Variants in SDK1 observed in about 807,000 individuals in gnomAD.
The protein encoded by SDK1 is protein sidekick-1.
A neutral mutation model predicts 245.5 loss-of-function variants in SDK1; 157 were observed. The ratio of observed to expected loss-of-function variants is 0.64; its 90% CI spans 0.56 to 0.73. The LOEUF (loss-of-function observed/expected upper bound fraction) is 0.73. Ranked by LOEUF, SDK1 falls within the 30% of genes least tolerant of loss-of-function variation. SDK1 has a pLI of 0.00. For synonymous variants in SDK1, 1,647 were observed against 1,278.5 expected (o/e 1.29, Z -6.15); for missense variants, 3,583 against 3,002.3 (o/e 1.19, Z -4.52).
chr7:4,204,854 A>G (rs1410317214), intron 35 of SDK1, among the ~76,000 whole-genome samples: 1 of 151,064 alleles, frequency 6.6e-6, no homozygotes, highest in Non-Finnish European at 1.5e-5. Context: ...GTCAAGAGAA[A>G]GTGCGCAGCG....
intron 13 of SDK1, among the ~76,000 whole-genome samples, chr7:3,982,683 AC>A (rs1214133628): frequency 2.0e-5 from 3 of 152,130 alleles, no homozygotes; most frequent in African/African-American, 4.8e-5. Context: ...CACTAAAAAT[AC>A]AAAAAATTAG....
intron 28 of SDK1, among the ~76,000 whole-genome samples, chr7:4,135,289 C>A (rs1584251811): frequency 6.6e-6 from 1 of 152,326 alleles, no homozygotes; most frequent in East Asian, 1.9e-4. Flanking sequence ...AACAAGACCC[C>A]TACACCCTTG....
rs1329865134 is a variant in SDK1, at chr7:4,208,148, T to C, written c.5264T>C (p.Val1755Ala). 3 of 1,613,872 alleles carry C rather than the reference T, an allele frequency of 1.9e-6. No homozygotes were observed. The highest frequency in any genetic ancestry group is 2.7e-5 in the African/African-American group (2 of 75,004). The change falls in exon 37 of 45, where the codon GTC (valine) becomes GCC (alanine). Residue 1755 changes from valine (V) to alanine (A), a missense_variant. Coordinates refer to ENST00000404826, the MANE Select transcript of SDK1 (RefSeq NM_152744.4). ...DSQNETEKMK[V>A]LFLPEPVVRL... ...CAGAACGAAACGGAGAAAATGAAGG[T>C]CCTCTTCCTCCCCGAGCCCGTGGTG...
At chr7:3,339,525 G>C (rs565378028) in intron 1 of SDK1, among the ~76,000 whole-genome samples, 1 of 151,990 alleles carries the variant, frequency 6.6e-6, no homozygotes, top group African/African-American at 2.4e-5. Context: ...CATTATTCTG[G>C]GCTATAAAAT....
chr7:3,844,474 A>G (rs1780229060), intron 5 of SDK1, among the ~76,000 whole-genome samples: 1 of 152,154 alleles, frequency 6.6e-6, no homozygotes, highest in Admixed American at 6.5e-5. Context: ...TGGGCCTTGG[A>G]TGTGCTAGCC....
intron 27 of SDK1, among the ~76,000 whole-genome samples, chr7:4,131,273 C>T (rs1562857035): frequency 6.6e-6 from 1 of 152,230 alleles, no homozygotes; most frequent in African/African-American, 2.4e-5. Flanking sequence ...CACAGCGCTC[C>T]TGTAGACATG....
At chr7:3,956,474 G>A (rs1781272115) in intron 7 of SDK1, among the ~76,000 whole-genome samples, 4 of 152,192 alleles carry the variant, frequency 2.6e-5, no homozygotes, top group Admixed American at 2.6e-4. Flanking sequence ...ACTAAGGGAA[G>A]CTCAGAGGCC....
At chr7:4,058,379 A>G (rs1051193367) in intron 19 of SDK1, among the ~76,000 whole-genome samples, 2 of 152,204 alleles carry the variant, frequency 1.3e-5, no homozygotes, top group African/African-American at 4.8e-5. Flanking sequence ...TGAGTATTTG[A>G]ATTTTTGATG....
chr7:3,528,912 G>A (rs1783245636), intron 1 of SDK1, among the ~76,000 whole-genome samples: 1 of 152,090 alleles, frequency 6.6e-6, no homozygotes, highest in African/African-American at 2.4e-5. Flanking sequence ...TTGCTTTTGA[G>A]GTATTACCAG....
chr7:3,908,658 A>C (rs928716388), intron 5 of SDK1, among the ~76,000 whole-genome samples: 2 of 152,058 alleles, frequency 1.3e-5, no homozygotes, highest in African/African-American at 4.8e-5. Context: ...CTATCCTGAT[A>C]ATTGTCTTTT....
At chr7:4,079,389 C>T in intron 21 of SDK1, 74 bp from the exon 22 acceptor site, 1 of 1,543,222 alleles carries the variant, frequency 6.5e-7, no homozygotes. Flanking sequence ...ACTTTTGAAG[C>T]TGACACGTTT....
intron 1 of SDK1, among the ~76,000 whole-genome samples, chr7:3,308,217 G>A (rs1779466513): frequency 6.6e-6 from 1 of 152,106 alleles, no homozygotes; most frequent in Non-Finnish European, 1.5e-5. Context: ...ATACATGGCT[G>A]GAAGAAGGGG....
intron 1 of SDK1, among the ~76,000 whole-genome samples, chr7:3,502,926 C>T (rs1010760869): frequency 6.6e-6 from 1 of 152,090 alleles, no homozygotes; most frequent in African/African-American, 2.4e-5. Context: ...CTGATCTAAC[C>T]AAATGATTTT....
In SDK1 at chr7:3,321,351, CAG is replaced by C. The variant is rs541656852; in HGVS notation, c.298+19470_298+19471del. ...GTTTCTTAAAGTACAGTACTAATGA[CAG>C]AGTCCCAGGTGGCCAGCCTTGTGAG... On this transcript the variant is annotated intron_variant, in intron 1 of 44. Coordinates refer to ENST00000404826, the MANE Select transcript of SDK1 (RefSeq NM_152744.4). 4.0e-3 allele frequency among the ~76,000 whole-genome samples: 615 copies of C among 152,246 alleles called. 7 individuals are homozygous for C. Among genetic ancestry groups the C allele is most frequent in the South Asian group, 0.017 (83 of 4,810 alleles).
intron 22 of SDK1, among the ~76,000 whole-genome samples, chr7:4,079,832 A>C (rs1400188883): frequency 6.6e-6 from 1 of 152,340 alleles, no homozygotes; most frequent in East Asian, 1.9e-4. Flanking sequence ...GAAAGTTGTG[A>C]TTCAAAATAG....
rs140234015 is a variant in SDK1 at position 3,745,354 on chromosome 7, A to C, written c.714-76096A>C. ...CACTACTATTTTGAAATGTAGACTC[A>C]CAAGAAGTTGTAAAAATAATGCACA... is the stretch of plus-strand genomic sequence containing the variant. On this transcript the variant is annotated intron_variant, in intron 4 of 44. Transcript: ENST00000404826. 5.4e-3 allele frequency among the ~76,000 whole-genome samples: 816 copies of C among 152,328 alleles called. 6 individuals carry two copies. The highest frequency in any genetic ancestry group is 0.018 in the African/African-American group (766 of 41,578).
chr7:4,124,139 C>T (rs1396626036), intron 25 of SDK1, among the ~76,000 whole-genome samples: 5 of 152,190 alleles, frequency 3.3e-5, no homozygotes, highest in Non-Finnish European at 7.3e-5. Flanking sequence ...GGTGGTGAGG[C>T]GAGAAGCTTC....
chr7:4,130,057 C>A lies in SDK1; in HGVS notation c.4089C>A (p.Val1363=), dbSNP rs770898011. The A allele has an allele frequency of 6.2e-6, 10 of 1,611,452 alleles. No individual in the cohort carries two copies. Among genetic ancestry groups the A allele is most frequent in the Non-Finnish European group, 8.5e-6 (10 of 1,178,576 alleles). Residue 1363 remains valine (V), a synonymous_variant, in exon 27 of 45, where the codon GTC becomes GTA. Coordinates refer to ENST00000404826, the MANE Select transcript of SDK1 (RefSeq NM_152744.4). ...VLAFTRIGNG[V]PSTPLILERT... ...CGTTCACCCGCATCGGGAACGGGGT[C>A]CCCAGCACGCCCCTCATCCTGGAGC...
rs182393896 is a variant in SDK1 at position 3,664,608 on chromosome 7, C to T, written c.713+22503C>T. The stretch of plus-strand genomic sequence containing the variant: ...TACAAAAATTGGCCGGGCATGGTGG[C>T]GGGCATCTGTAATCCCAGCTGCTTG... On this transcript the variant is annotated intron_variant, in intron 4 of 44. Transcript: ENST00000404826. Among the ~76,000 whole-genome samples, 383 of 151,916 alleles carry T rather than the reference C, an allele frequency of 2.5e-3. 2 individuals carry two copies. Among genetic ancestry groups the T allele is most frequent in the African/African-American group, 7.8e-3 (324 of 41,430 alleles).
Sources: gnomAD v4.1 joint callset for allele counts (sites outside exome capture counted in the v4.1 genomes callset) on GRCh38, gnomAD v4.1.1 for gene constraint, MANE v1.5 for transcripts, NCBI Gene and HGNC (gene_info 2026-07-23, HGNC 2026-07-21) for gene names.